The following MAPK4 variants were observed in gnomAD, a reference collection of about 807,000 sequenced individuals.
MAPK4 encodes the protein Erk3-related.
MAPK4 carries 22 observed loss-of-function variants against 47.7 expected under a neutral mutation model. The ratio of observed to expected loss-of-function variants is 0.46; its 90% CI spans 0.33 to 0.66. The LOEUF (loss-of-function observed/expected upper bound fraction) is 0.66. MAPK4 is among the 30% of genes least tolerant of loss of function. The pLI, the probability that MAPK4 is intolerant of heterozygous loss-of-function variation, is 0.02. For synonymous variants in MAPK4, 390 were observed against 365.7 expected (o/e 1.07, Z -0.76); for missense variants, 736 against 831.7 (o/e 0.88, Z 1.42).
chr18:50,580,199 G>A (rs1372400627), intron 1 of MAPK4, among the ~76,000 whole-genome samples: 1 of 152,144 alleles, frequency 6.6e-6, no homozygotes, highest in East Asian at 1.9e-4. Flanking sequence ...GGAGGCAGGG[G>A]TCACACCAAA....
At position 50,613,267 on chromosome 18, in the gene MAPK4, C is replaced by G. The variant is rs539972416; in HGVS notation, c.-870-49822C>G. On this transcript the variant is annotated intron_variant, in intron 1 of 5. Transcript: ENST00000400384. ...GACAGAAGAGAGTGTCTCTTGTTGG[C>G]TTTGAAAAAGCACACAGCCGTGTGT... Among the ~76,000 whole-genome samples the G allele has an allele frequency of 2.6e-5, 4 of 152,288 alleles. No individual in the cohort carries two copies. The East Asian group carries it at 7.7e-4, about 29-fold the overall frequency.
chr18:50,635,274 C>G (rs539194613), intron 1 of MAPK4, among the ~76,000 whole-genome samples: 1 of 152,106 alleles, frequency 6.6e-6, no homozygotes, highest in Non-Finnish European at 1.5e-5. Context: ...CATTTGCATC[C>G]CCATATATCT....
chr18:50,722,241 G>T, intron 4 of MAPK4, 142 bp downstream of exon 4: 3 of 937,220 alleles, frequency 3.2e-6, no homozygotes, highest in Non-Finnish European at 4.6e-6. Flanking sequence ...CCTGCCAGTG[G>T]GCCTTTGCCC....
At chr18:50,646,606 G>C (rs1194635231) in intron 1 of MAPK4, among the ~76,000 whole-genome samples, 1 of 152,178 alleles carries the variant, frequency 6.6e-6, no homozygotes, top group Non-Finnish European at 1.5e-5. Flanking sequence ...TGTCCCCAGG[G>C]CTCCAGCGAA....
At chr18:50,697,456 G>T (rs1008501287) in intron 2 of MAPK4, among the ~76,000 whole-genome samples, 4 of 152,164 alleles carry the variant, frequency 2.6e-5, no homozygotes, top group Non-Finnish European at 5.9e-5. Flanking sequence ...TGAGATTTTT[G>T]ATGTAAAGTG....
chr18:50,572,250 G>A (rs1424983424), intron 1 of MAPK4, among the ~76,000 whole-genome samples: 1 of 152,156 alleles, frequency 6.6e-6, no homozygotes, highest in Admixed American at 6.5e-5. Flanking sequence ...ACACAGAGTA[G>A]GAGCGAGAGT....
intron 1 of MAPK4, among the ~76,000 whole-genome samples, chr18:50,583,652 A>G (rs1194136261): frequency 2.6e-5 from 4 of 152,172 alleles, no homozygotes; most frequent in Non-Finnish European, 4.4e-5. Context: ...ATGGGGATAG[A>G]AGTTATCACT....
chr18:50,650,653 G>T (rs2043038957), intron 1 of MAPK4, among the ~76,000 whole-genome samples: 1 of 152,142 alleles, frequency 6.6e-6, no homozygotes, highest in Admixed American at 6.6e-5. Context: ...CACCAGCCCT[G>T]CACTTCCTCA....
intron 2 of MAPK4, among the ~76,000 whole-genome samples, chr18:50,683,452 G>GT (rs1303306636): frequency 2.0e-4 from 27 of 135,176 alleles, no homozygotes; most frequent in African/African-American, 5.5e-4. Context: ...ATTGGTGATG[G>GT]GGTGTGTGTG....
intron 1 of MAPK4, among the ~76,000 whole-genome samples, chr18:50,648,756 G>A (rs778065673): frequency 2.0e-4 from 31 of 152,122 alleles, no homozygotes; most frequent in Non-Finnish European, 2.1e-4. Flanking sequence ...CTGCAGCATC[G>A]CCACGATAAG....
At chr18:50,710,671 T>C (rs1186658555) in intron 2 of MAPK4, among the ~76,000 whole-genome samples, 1 of 151,492 alleles carries the variant, frequency 6.6e-6, no homozygotes, top group Non-Finnish European at 1.5e-5. Context: ...TCCCGGCTAC[T>C]CAGGAGGCTG....
At chr18:50,710,157 T>C (rs1488439492) in intron 2 of MAPK4, among the ~76,000 whole-genome samples, 1 of 152,166 alleles carries the variant, frequency 6.6e-6, no homozygotes, top group Non-Finnish European at 1.5e-5. Flanking sequence ...TGGGCTTTTA[T>C]TCTTGGAGAA....
chr18:50,728,451 C>G (rs1198430955), intron 5 of MAPK4, among the ~76,000 whole-genome samples: 1 of 152,196 alleles, frequency 6.6e-6, no homozygotes, highest in Non-Finnish European at 1.5e-5. Flanking sequence ...GGCCCCCAAG[C>G]AGATCCACCA....
intron 1 of MAPK4, among the ~76,000 whole-genome samples, chr18:50,564,726 C>T (rs1481930570): frequency 6.6e-6 from 1 of 152,134 alleles, no homozygotes; most frequent in African/African-American, 2.4e-5. Flanking sequence ...GCCTCAAATT[C>T]TTCTTTTTCT....
intron 2 of MAPK4, among the ~76,000 whole-genome samples, chr18:50,702,759 GCAGTTGAAC>G (rs1909859006): frequency 6.6e-6 from 1 of 152,178 alleles, no homozygotes; most frequent in Non-Finnish European, 1.5e-5. Context: ...GATAGTCTTT[GCAGTTGAAC>G]CAGCATACTT....
rs1183160373 is a variant in MAPK4 at position 50,677,931 on chromosome 18, G to A, written c.546+13427G>A. On this transcript the variant is annotated intron_variant, in intron 2 of 5. Coordinates refer to ENST00000400384, the MANE Select transcript of MAPK4 (RefSeq NM_002747.4). ...CAGCCTCTGGGAAGAGGAGACTTCT[G>A]GACAGGCTGGTGGGGTGAGGGTGGG... is the stretch of plus-strand genomic sequence containing the variant. Among the ~76,000 whole-genome samples, 27 of 152,136 alleles carry A rather than the reference G, an allele frequency of 1.8e-4. 1 individual carries two copies. The highest frequency in any genetic ancestry group is 1.8e-3 in the Admixed American group (27 of 15,268).
At chr18:50,561,462 C>T (rs765625769) in intron 1 of MAPK4, among the ~76,000 whole-genome samples, 21 of 152,160 alleles carry the variant, frequency 1.4e-4, no homozygotes, top group African/African-American at 2.2e-4. Context: ...GAAGGTGAAG[C>T]GTCATGACGT....
At chr18:50,719,915 T>C (rs529702647) in intron 3 of MAPK4, among the ~76,000 whole-genome samples, 1 of 152,070 alleles carries the variant, frequency 6.6e-6, no homozygotes, top group East Asian at 1.9e-4. Flanking sequence ...GCCAAACAGC[T>C]CTCCTCACAT....
intron 2 of MAPK4, among the ~76,000 whole-genome samples, chr18:50,685,894 C>T (rs2144330606): frequency 6.6e-6 from 1 of 152,140 alleles, no homozygotes; most frequent in South Asian, 2.1e-4. Flanking sequence ...GCTGCCTTCA[C>T]AGAGAGTTCT....
Sources: allele counts gnomAD v4.1 joint callset (sites outside exome capture counted in the v4.1 genomes callset), GRCh38; gene constraint gnomAD v4.1.1; transcripts MANE v1.5; gene names NCBI Gene and HGNC (gene_info 2026-07-23, HGNC 2026-07-21).